Variants in AK5 observed in about 807,000 individuals in gnomAD.
The protein encoded by AK5 is adenylate kinase isoenzyme 5.
Under a neutral mutation model 69.5 loss-of-function variants are expected in AK5, and 27 were observed. The ratio of observed to expected loss-of-function variants is 0.39; its 90% confidence interval spans 0.29 to 0.54. AK5 has a LOEUF of 0.54. AK5 is among the 20% of genes least tolerant of loss of function. AK5 has a pLI of 0.71. For missense variants in AK5, 531 were observed against 700.4 expected (o/e 0.76, Z 2.73); for synonymous variants, 260 against 244.4 (o/e 1.06, Z -0.60).
chr1:77,422,941 T>C (rs566717132), intron 8 of AK5, among the ~76,000 whole-genome samples: 64 of 152,160 alleles, frequency 4.2e-4, no homozygotes, highest in African/African-American at 9.2e-4. Context: ...GTTGGCTGGG[T>C]GCGGTGGCTC....
intron 6 of AK5, among the ~76,000 whole-genome samples, chr1:77,342,766 T>C (rs1262264901): frequency 6.6e-6 from 1 of 152,056 alleles, no homozygotes; most frequent in Admixed American, 6.6e-5. Flanking sequence ...ATAATAAGCA[T>C]GTTAAGATTT....
At chr1:77,349,962 A>G (rs1205816245) in intron 6 of AK5, among the ~76,000 whole-genome samples, 1 of 152,186 alleles carries the variant, frequency 6.6e-6, no homozygotes, top group Non-Finnish European at 1.5e-5. Context: ...TTGAGGGCCT[A>G]TGTATTCATG....
chr1:77,283,394 G>A, intron 1 of AK5: 8 of 985,366 alleles, frequency 8.1e-6, no homozygotes, highest in Non-Finnish European at 8.4e-6. Context: ...TTCTGAAAAC[G>A]GATAGACTGA....
At chr1:77,396,369 T>C (rs1322272576) in intron 6 of AK5, among the ~76,000 whole-genome samples, 1 of 152,226 alleles carries the variant, frequency 6.6e-6, no homozygotes, top group East Asian at 1.9e-4. Flanking sequence ...GGGGAAAAAT[T>C]GTTCAATTAC....
At position 77,521,976 on chromosome 1, in the gene AK5, A is replaced by G. The variant is rs761434541; in HGVS notation, c.1428+33A>G. On this transcript the variant is annotated intron_variant, in intron 12 of 13. Coordinates refer to ENST00000354567, the MANE Select transcript of AK5 (RefSeq NM_174858.3). ...GTTGTTACGGGCATCCTTCCAGAAGAAAAATAGGGGACATCCTTGAGGTTG... is the reference window on the plus strand; with the variant it reads ...GTTGTTACGGGCATCCTTCCAGAAGGAAAATAGGGGACATCCTTGAGGTTG... The G allele has an allele frequency of 3.4e-6, 5 of 1,476,760 alleles. No homozygotes were observed. The Admixed American group carries it at 6.2e-5, about 18-fold the overall frequency. 91.5% of individuals were successfully genotyped at this position (1,476,760 alleles called of 1,614,324 possible).
At chr1:77,305,085 C>G (rs1045519017) in intron 5 of AK5, among the ~76,000 whole-genome samples, 1 of 152,090 alleles carries the variant, frequency 6.6e-6, no homozygotes, top group Admixed American at 6.5e-5. Context: ...ATTTGATAAT[C>G]AGTGATGTTG....
Position 77,404,045 on chromosome 1 carries a change from A to G in AK5, c.892-6936A>G, listed in dbSNP as rs566472376. Among the ~76,000 whole-genome samples the G allele has an allele frequency of 4.8e-4, 73 of 152,204 alleles. 1 individual carries two copies. In the East Asian group the frequency reaches 5.8e-3, roughly 12 times the overall value. On this transcript the variant is annotated intron_variant, in intron 6 of 13. Coordinates refer to ENST00000354567, the MANE Select transcript of AK5 (RefSeq NM_174858.3). ...CGTAAGTTGGATTCCTAGGTATTTT[A>G]TTCTCTTTGAAGCAATTGTGAATGG...
chr1:77,410,879 T>C (rs941744100), intron 6 of AK5, 102 bp from the exon 7 acceptor site: 39 of 861,266 alleles, frequency 4.5e-5, no homozygotes, highest in South Asian at 1.3e-4. Flanking sequence ...GTTGTTCTGC[T>C]TCATTAGAGA....
chr1:77,479,162 A>G (rs532156356), intron 8 of AK5, among the ~76,000 whole-genome samples: 115 of 148,648 alleles, frequency 7.7e-4, no homozygotes, highest in African/African-American at 2.8e-3. Context: ...TACCCAATCT[A>G]TAGCATCAAA....
intron 13 of AK5, among the ~76,000 whole-genome samples, chr1:77,551,824 G>C (rs1659837648): frequency 1.3e-5 from 2 of 152,130 alleles, no homozygotes; most frequent in South Asian, 4.1e-4. Flanking sequence ...AGCAAATGTG[G>C]GAATAGAGGA....
intron 6 of AK5, among the ~76,000 whole-genome samples, chr1:77,361,261 A>G (rs757379688): frequency 4.6e-5 from 7 of 152,146 alleles, no homozygotes; most frequent in Non-Finnish European, 4.4e-5. Context: ...GTTCTTAAGT[A>G]TTTCCTGAGA....
chr1:77,373,811 A>C (rs1647170554), intron 6 of AK5, among the ~76,000 whole-genome samples: 2 of 152,278 alleles, frequency 1.3e-5, no homozygotes, highest in South Asian at 4.1e-4. Context: ...CATTATTCAA[A>C]ATTTAACTGT....
intron 12 of AK5, among the ~76,000 whole-genome samples, chr1:77,535,615 G>A (rs142790776): frequency 3.9e-5 from 6 of 152,256 alleles, no homozygotes; most frequent in Non-Finnish European, 7.4e-5. Context: ...TCTGCATCAC[G>A]TGAGGTGGCC....
intron 13 of AK5, among the ~76,000 whole-genome samples, chr1:77,536,619 AAGAG>A (rs1367208312): frequency 1.3e-5 from 2 of 152,214 alleles, no homozygotes; most frequent in African/African-American, 4.8e-5. Flanking sequence ...TTTCCCAAAA[AAGAG>A]AGAGAGGGAG....
At chr1:77,357,220 A>C (rs1031221796) in intron 6 of AK5, among the ~76,000 whole-genome samples, 6 of 151,692 alleles carry the variant, frequency 4.0e-5, no homozygotes, top group Non-Finnish European at 5.9e-5. Flanking sequence ...TAAATATTAC[A>C]TTAAGCAAAA....
In AK5 at chr1:77,321,394, G is replaced by A. The variant is rs148998421; in HGVS notation, c.700-18983G>A. 3.3e-3 allele frequency among the ~76,000 whole-genome samples: 508 copies of A among 152,182 alleles called. 1 individual carries two copies. Among genetic ancestry groups the A allele is most frequent in the African/African-American group, 0.011 (464 of 41,518 alleles). On this transcript the variant is annotated intron_variant, in intron 5 of 13. Transcript: ENST00000354567. ...TAAGGCAAGAGAATCACTTGAACCC[G>A]AGAGGCGTAGGTTGCAGTGAGCTGA...
At chr1:77,330,453 C>T (rs75866867) in intron 5 of AK5, among the ~76,000 whole-genome samples, 2 of 114,028 alleles carry the variant, frequency 1.8e-5, no homozygotes, top group Non-Finnish European at 3.8e-5. Context: ...TCATTGTTTT[C>T]CATATGGACA....
At chr1:77,342,721 G>C (rs1263095037) in intron 6 of AK5, among the ~76,000 whole-genome samples, 1 of 152,086 alleles carries the variant, frequency 6.6e-6, no homozygotes, top group Non-Finnish European at 1.5e-5. Flanking sequence ...TGCTTTTAAA[G>C]ATGAGTTAAA....
At chr1:77,539,427 T>C (rs553416551) in intron 13 of AK5, among the ~76,000 whole-genome samples, 1 of 152,300 alleles carries the variant, frequency 6.6e-6, no homozygotes, top group African/African-American at 2.4e-5. Flanking sequence ...AGCTTCAGCC[T>C]TCAGGACTCC....
Sources: allele counts gnomAD v4.1 joint callset (sites outside exome capture counted in the v4.1 genomes callset), GRCh38; gene constraint gnomAD v4.1.1; transcripts MANE v1.5; gene names NCBI Gene and HGNC (gene_info 2026-07-23, HGNC 2026-07-21).